Variants in EXOC6B observed in about 807,000 individuals in gnomAD.
EXOC6B encodes exocyst complex component 6B, also known as SEC15 homolog B.
In EXOC6B, 54 loss-of-function variants were observed where a neutral mutation model predicts 113.5. The observed-to-expected ratio is 0.48, with a 90% CI of 0.38 to 0.60. The LOEUF is 0.60. Among genes scored for constraint, EXOC6B ranks in the 20% least tolerant of loss-of-function variants. EXOC6B has a pLI of 0.00. For missense variants in EXOC6B, 797 were observed against 977.5 expected (o/e 0.82, Z 2.46); for synonymous variants, 357 against 339.0 (o/e 1.05, Z -0.58).
At chr2:72,397,862 C>T (rs1012232389) in intron 18 of EXOC6B, among the ~76,000 whole-genome samples, 2 of 151,908 alleles carry the variant, frequency 1.3e-5, no homozygotes, top group East Asian at 3.9e-4. Context: ...ATCTACTCAA[C>T]TTGTTTGTTC....
intron 20 of EXOC6B, among the ~76,000 whole-genome samples, chr2:72,194,956 G>A (rs532610502): frequency 1.4e-4 from 22 of 152,196 alleles, no homozygotes; most frequent in Admixed American, 3.9e-4. Context: ...AAGAGTGGCT[G>A]TGCAGCTCCC....
At chr2:72,456,845 G>A (rs149568834) in intron 18 of EXOC6B, among the ~76,000 whole-genome samples, 12 of 152,048 alleles carry the variant, frequency 7.9e-5, no homozygotes, top group East Asian at 3.9e-4. Flanking sequence ...AATTTAATTC[G>A]TGCCATTTTA....
intron 6 of EXOC6B, among the ~76,000 whole-genome samples, chr2:72,631,557 T>G (rs1378162273): frequency 1.4e-5 from 2 of 144,066 alleles, no homozygotes; most frequent in African/African-American, 5.2e-5. Flanking sequence ...CAGGCTGGAG[T>G]ACAATGGCAC....
chr2:72,587,342 CTT>C (rs1394397499), intron 6 of EXOC6B, among the ~76,000 whole-genome samples: 2 of 152,268 alleles, frequency 1.3e-5, no homozygotes, highest in Non-Finnish European at 1.5e-5. Flanking sequence ...CATGTTCTCA[CTT>C]ATAAGTCAGA....
Position 72,377,360 on chromosome 2 carries a change from T to A in EXOC6B, c.2122+2369A>T, listed in dbSNP as rs1691420430. Among the ~76,000 whole-genome samples, 5 of 152,264 alleles carry A rather than the reference T, an allele frequency of 3.3e-5. No homozygotes were observed. In the South Asian group the frequency reaches 1.0e-3, roughly 32 times the overall value. On this transcript the variant is annotated intron_variant, in intron 19 of 21. Transcript: ENST00000272427. ...CAGTAATCCCACTACTGAGTATATA[T>A]CCAGAGGAGATGAAATCAGTTTGTC...
chr2:72,222,014 A>C (rs962942484), intron 20 of EXOC6B, among the ~76,000 whole-genome samples: 5 of 152,226 alleles, frequency 3.3e-5, no homozygotes, highest in Admixed American at 6.5e-5. Context: ...GAAAAGGTGA[A>C]AGATGACTGA....
chr2:72,439,805 CT>C (rs1314686445), intron 18 of EXOC6B, among the ~76,000 whole-genome samples: 1 of 152,172 alleles, frequency 6.6e-6, no homozygotes, highest in African/African-American at 2.4e-5. Flanking sequence ...GGTACTCTGG[CT>C]TTTTGAGCTT....
chr2:72,422,784 T>C (rs568178764), intron 18 of EXOC6B, among the ~76,000 whole-genome samples: 1 of 152,318 alleles, frequency 6.6e-6, no homozygotes, highest in South Asian at 2.1e-4. Flanking sequence ...TGGTGGGGCC[T>C]TGGAGAACCT....
At chr2:72,600,239 G>A (rs887891561) in intron 6 of EXOC6B, among the ~76,000 whole-genome samples, 4 of 151,866 alleles carry the variant, frequency 2.6e-5, no homozygotes, top group African/African-American at 7.3e-5. Context: ...CCAGGAGTTC[G>A]AGACCAACTT....
chr2:72,293,566 T>C (rs1046192773), intron 20 of EXOC6B, among the ~76,000 whole-genome samples: 4 of 152,128 alleles, frequency 2.6e-5, no homozygotes, highest in African/African-American at 9.7e-5. Context: ...CAGCTATGGA[T>C]CTGAGATGGG....
At chr2:72,496,636 G>A in intron 13 of EXOC6B, 77 bp from the exon 14 acceptor site, 1 of 843,842 alleles carries the variant, frequency 1.2e-6, no homozygotes, top group Non-Finnish European at 2.0e-6. Context: ...CAGAGGGAAG[G>A]TGGGTTAATC....
intron 18 of EXOC6B, among the ~76,000 whole-genome samples, chr2:72,381,698 G>A (rs1057274899): frequency 1.3e-5 from 2 of 152,126 alleles, no homozygotes; most frequent in African/African-American, 4.8e-5. Flanking sequence ...ACAAACACAA[G>A]TGAAAACTAG....
At chr2:72,367,898 G>A (rs1268606128) in intron 19 of EXOC6B, among the ~76,000 whole-genome samples, 3 of 152,174 alleles carry the variant, frequency 2.0e-5, no homozygotes, top group African/African-American at 7.2e-5. Flanking sequence ...CAGAACTTGA[G>A]CTCTCAGCAA....
intron 20 of EXOC6B, among the ~76,000 whole-genome samples, chr2:72,285,560 G>C (rs978962256): frequency 8.5e-5 from 13 of 152,062 alleles, no homozygotes; most frequent in Admixed American, 7.9e-4. Context: ...AGAAAATCTA[G>C]ATAACCTTGG....
intron 20 of EXOC6B, among the ~76,000 whole-genome samples, chr2:72,255,449 GC>G (rs1292265017): frequency 6.6e-6 from 1 of 152,220 alleles, no homozygotes; most frequent in Non-Finnish European, 1.5e-5. Flanking sequence ...CACTGATGAA[GC>G]CACCACAGGC....
chr2:72,436,629 C>T (rs1695887935), intron 18 of EXOC6B, among the ~76,000 whole-genome samples: 2 of 151,974 alleles, frequency 1.3e-5, no homozygotes, highest in East Asian at 3.9e-4. Context: ...ATCTTGTCTT[C>T]ATGCTTTATT....
At chr2:72,682,508 G>A (rs968782284) in intron 6 of EXOC6B, among the ~76,000 whole-genome samples, 4 of 151,862 alleles carry the variant, frequency 2.6e-5, no homozygotes, top group African/African-American at 9.7e-5. Flanking sequence ...TCACTAAGAA[G>A]CTTCTTGAAA....
intron 1 of EXOC6B, among the ~76,000 whole-genome samples, chr2:72,744,138 T>C (rs1233950416): frequency 1.3e-5 from 2 of 152,196 alleles, no homozygotes; most frequent in East Asian, 3.8e-4. Flanking sequence ...CTATACCATA[T>C]AGCCTAGGTG....
At chr2:72,475,474 G>A (rs892743190) in intron 17 of EXOC6B, among the ~76,000 whole-genome samples, 1 of 152,124 alleles carries the variant, frequency 6.6e-6, no homozygotes, top group Non-Finnish European at 1.5e-5. Flanking sequence ...GGGTAGGCCC[G>A]ACCTCAGGCA....
Sources: gnomAD v4.1 joint callset for allele counts (sites outside exome capture counted in the v4.1 genomes callset) on GRCh38, gnomAD v4.1.1 for gene constraint, MANE v1.5 for transcripts, NCBI Gene and HGNC (gene_info 2026-07-23, HGNC 2026-07-21) for gene names.